TTC28: variants seen among roughly 807,000 people sequenced by gnomAD.
TTC28 encodes the protein tetratricopeptide repeat protein 28.
In TTC28, 61 loss-of-function variants were observed where a neutral mutation model predicts 198.0. That is an observed-to-expected ratio of 0.31 (90% CI 0.25 to 0.38). TTC28 has a LOEUF of 0.38. Ranked by LOEUF, TTC28 falls within the 10% of genes least tolerant of loss-of-function variation. TTC28 has a pLI of 1.00. For synonymous variants in TTC28, 1,171 were observed against 1,297.8 expected (o/e 0.90, Z 2.10); for missense variants, 2,678 against 3,164.0 (o/e 0.85, Z 3.69).
chr22:28,243,409 CTCTT>C (rs1170299376), intron 5 of TTC28, among the ~76,000 whole-genome samples: 2 of 149,622 alleles, frequency 1.3e-5, no homozygotes, highest in African/African-American at 5.0e-5. Context: ...TCATATTTGG[CTCTT>C]TTTTTTCCCT....
intron 6 of TTC28, among the ~76,000 whole-genome samples, chr22:28,124,199 T>TTG (rs1405300472): frequency 8.0e-6 from 1 of 125,634 alleles, no homozygotes; most frequent in Admixed American, 7.6e-5. Flanking sequence ...GTTGTTGTTG[T>TTG]TTGTTTTTTG....
At chr22:28,387,090 G>C (rs1421271367) in intron 2 of TTC28, among the ~76,000 whole-genome samples, 1 of 151,876 alleles carries the variant, frequency 6.6e-6, no homozygotes, top group Admixed American at 6.6e-5. Context: ...GAGAATATGC[G>C]GTGTTTGGTT....
At chr22:28,177,453 C>T (rs1923272598) in intron 5 of TTC28, among the ~76,000 whole-genome samples, 1 of 152,210 alleles carries the variant, frequency 6.6e-6, no homozygotes, top group Admixed American at 6.5e-5. Flanking sequence ...TGGGCAATTT[C>T]TTAGAAAACT....
intron 5 of TTC28, among the ~76,000 whole-genome samples, chr22:28,208,568 T>C (rs1209670865): frequency 6.6e-6 from 1 of 152,184 alleles, no homozygotes; most frequent in Non-Finnish European, 1.5e-5. Context: ...AACATTCACA[T>C]ATGACCATAT....
At chr22:28,134,446 A>C (rs960613242) in intron 6 of TTC28, among the ~76,000 whole-genome samples, 2 of 152,220 alleles carry the variant, frequency 1.3e-5, no homozygotes, top group African/African-American at 4.8e-5. Flanking sequence ...ATCACAAAGA[A>C]GCTAAAAAGT....
chr22:28,280,242 C>T (rs539572761), intron 5 of TTC28, among the ~76,000 whole-genome samples: 1 of 152,116 alleles, frequency 6.6e-6, no homozygotes, highest in South Asian at 2.1e-4. Flanking sequence ...TTGATGTATG[C>T]TGTAAATCCT....
chr22:28,452,378 A>G (rs1441239810), intron 2 of TTC28, among the ~76,000 whole-genome samples: 2 of 119,680 alleles, frequency 1.7e-5, no homozygotes, highest in African/African-American at 3.3e-5. Flanking sequence ...CAACAGAGCG[A>G]GATTCCATCT....
At chr22:28,388,237 A>G (rs183691897) in intron 2 of TTC28, among the ~76,000 whole-genome samples, 4,208 of 152,162 alleles carry the variant, frequency 0.028, 171 homozygotes, top group African/African-American at 0.095. Context: ...ATGCTGTTTC[A>G]GTTACTGTAG....
Position 28,107,959 on chromosome 22 carries a change from T to A in TTC28, c.1886A>T (p.Asp629Val). 6.4e-7 allele frequency: 1 copy of A among 1,551,638 alleles called. No homozygotes were observed. The highest frequency in any genetic ancestry group is 8.7e-7 in the Non-Finnish European group (1 of 1,146,990). ...GCAGACCTTCCCTTCTCCTTCCATG[T>A]CTTGAAGGTCGGGAGCAAGCCGGAG... ...QYLRLAPDLQ[D>V]MEGEGKVCHN... Residue 629 changes from aspartate (D) to valine (V), a missense_variant, in exon 7 of 23, where the codon GAC (aspartate) becomes GTC (valine). This residue lies in a region of TTC28 where 775 missense variants were observed against 845.9 expected (regional missense o/e 0.92). Coordinates refer to ENST00000397906, the MANE Select transcript of TTC28 (RefSeq NM_001145418.2).
At chr22:28,460,143 G>A (rs2047925750) in intron 2 of TTC28, among the ~76,000 whole-genome samples, 2 of 152,044 alleles carry the variant, frequency 1.3e-5, no homozygotes, top group South Asian at 2.1e-4. Flanking sequence ...ATACAACTAG[G>A]ATTATCAGAA....
chr22:28,426,228 A>G lies in TTC28; in HGVS notation c.382-119585T>C, dbSNP rs180713273. 5.5e-3 allele frequency among the ~76,000 whole-genome samples: 828 copies of G among 151,330 alleles called. 9 individuals are homozygous for G. Among genetic ancestry groups the G allele is most frequent in the African/African-American group, 0.018 (743 of 41,176 alleles). ...CTCCACGTCAAAAAAAAAAAAAAAAAAAAGAAAGAAAGAAAATTCAAAAGG... is the reference window on the plus strand; with the variant it reads ...CTCCACGTCAAAAAAAAAAAAAAAAGAAAGAAAGAAAGAAAATTCAAAAGG... On this transcript the variant is annotated intron_variant, in intron 2 of 22. Transcript: ENST00000397906.
chr22:28,311,006 C>G (rs1231778922), intron 2 of TTC28, among the ~76,000 whole-genome samples: 1 of 152,096 alleles, frequency 6.6e-6, no homozygotes, highest in Non-Finnish European at 1.5e-5. Flanking sequence ...TATCAAACTC[C>G]TGACCTCAAA....
chr22:28,339,425 C>T (rs1431479291), intron 2 of TTC28, among the ~76,000 whole-genome samples: 3 of 152,206 alleles, frequency 2.0e-5, no homozygotes, highest in Admixed American at 2.0e-4. Context: ...AGCTGTCAGA[C>T]AGGGACATTT....
intron 2 of TTC28, among the ~76,000 whole-genome samples, chr22:28,594,838 A>T (rs1275259582): frequency 6.6e-6 from 1 of 152,236 alleles, no homozygotes; most frequent in African/African-American, 2.4e-5. Flanking sequence ...TCTGCATGTT[A>T]AATTGCCACT....
chr22:28,132,157 A>G (rs1308101882), intron 6 of TTC28, among the ~76,000 whole-genome samples: 2 of 152,354 alleles, frequency 1.3e-5, no homozygotes, highest in Admixed American at 6.5e-5. Context: ...ATGAACTACA[A>G]AAGTTGAGAT....
intron 12 of TTC28, among the ~76,000 whole-genome samples, chr22:28,089,695 A>AAAAG (rs1941749847): frequency 1.3e-5 from 2 of 149,678 alleles, no homozygotes; most frequent in African/African-American, 4.9e-5. Flanking sequence ...TAAAATAAAA[A>AAAAG]ATAAAAAAAT....
At chr22:28,072,072 G>T (rs550181053) in intron 12 of TTC28, among the ~76,000 whole-genome samples, 3 of 152,174 alleles carry the variant, frequency 2.0e-5, no homozygotes, top group African/African-American at 4.8e-5. Context: ...CTCTTTGATC[G>T]TCCCAGATGA....
At chr22:28,085,419 T>C (rs1335131598) in intron 12 of TTC28, among the ~76,000 whole-genome samples, 1 of 152,060 alleles carries the variant, frequency 6.6e-6, no homozygotes, top group East Asian at 1.9e-4. Flanking sequence ...CTAAGCTTCA[T>C]AAGTGAAGGA....
chr22:28,123,996 A>C (rs1366475057), intron 6 of TTC28, among the ~76,000 whole-genome samples: 3 of 152,046 alleles, frequency 2.0e-5, no homozygotes, highest in Non-Finnish European at 4.4e-5. Flanking sequence ...AAAAAGAAAA[A>C]ATATATATTT....
Sources: gnomAD v4.1 joint callset for allele counts (sites outside exome capture counted in the v4.1 genomes callset) on GRCh38, gnomAD v4.1.1 for gene constraint, gnomAD v4.1.1 regional missense constraint, MANE v1.5 for transcripts, NCBI Gene and HGNC (gene_info 2026-07-23, HGNC 2026-07-21) for gene names.